ARFGEF2: variants seen among roughly 807,000 people sequenced by gnomAD.
ARFGEF2 encodes brefeldin A-inhibited guanine nucleotide-exchange protein 2.
A neutral mutation model predicts 219.9 loss-of-function variants in ARFGEF2; 74 were observed. The ratio of observed to expected loss-of-function variants is 0.34; its 90% CI spans 0.28 to 0.41. ARFGEF2 has a LOEUF of 0.41. Ranked by LOEUF, ARFGEF2 falls within the 10% of genes least tolerant of loss-of-function variation. The probability of loss-of-function intolerance (pLI) is 1.00; values close to 1 mark genes in which losing one functional copy is unlikely to be tolerated. For missense variants in ARFGEF2, 1,743 were observed against 2,218.3 expected (o/e 0.79, Z 4.30); for synonymous variants, 733 against 799.2 (o/e 0.92, Z 1.40).
chr20:48,937,040 C>G (rs1431004164), intron 1 of ARFGEF2, among the ~76,000 whole-genome samples: 2 of 152,126 alleles, frequency 1.3e-5, no homozygotes, highest in African/African-American at 4.8e-5. Flanking sequence ...GAGACTACTG[C>G]TATTTGAGCA....
chr20:49,020,743 G>C (rs990224349), intron 34 of ARFGEF2, among the ~76,000 whole-genome samples: 1 of 152,180 alleles, frequency 6.6e-6, no homozygotes, highest in Non-Finnish European at 1.5e-5. Context: ...ACCATGCCCA[G>C]GCTCTTTTTC....
intron 1 of ARFGEF2, among the ~76,000 whole-genome samples, chr20:48,939,278 T>G (rs1156447542): frequency 6.6e-6 from 1 of 152,124 alleles, no homozygotes; most frequent in Admixed American, 6.6e-5. Flanking sequence ...TGGCCTATAG[T>G]GGCATTTCAA....
At chr20:49,015,313 CA>C (rs2091523114) in intron 30 of ARFGEF2, among the ~76,000 whole-genome samples, 1 of 152,112 alleles carries the variant, frequency 6.6e-6, no homozygotes, top group South Asian at 2.1e-4. Context: ...AAGATCTCAC[CA>C]TGTTGGCCAG....
chr20:48,969,124 CTGA>C lies in ARFGEF2; in HGVS notation c.1060-20_1060-18del, dbSNP rs765066066. 1.2e-6 allele frequency: 2 copies of C among 1,612,956 alleles called. No homozygotes were observed. The highest frequency in any genetic ancestry group is 2.2e-5 in the South Asian group (2 of 90,934). ...TACAGGTGGGTGCCACCACACCCAG[CTGA>C]TGTTTGTTTCTGATCCTAGGAATCG... On this transcript the variant is annotated intron_variant, in intron 8 of 38. Coordinates refer to ENST00000371917, the MANE Select transcript of ARFGEF2 (RefSeq NM_006420.3).
intron 1 of ARFGEF2, among the ~76,000 whole-genome samples, chr20:48,926,255 G>A (rs1181357018): frequency 6.6e-6 from 1 of 152,164 alleles, no homozygotes; most frequent in Non-Finnish European, 1.5e-5. Flanking sequence ...TCAGTATACC[G>A]CAGTGGAGTT....
rs1269701523 is a variant in ARFGEF2 at position 49,005,259 on chromosome 20, C to A, written c.3584+38C>A. ...CTCTGGAAGACGCTTGGTCAAATTC[C>A]CCGTTGGGGCTCCCAGAAGCCCTCC... On this transcript the variant is annotated intron_variant, in intron 26 of 38. Coordinates refer to ENST00000371917, the MANE Select transcript of ARFGEF2 (RefSeq NM_006420.3). 6.2e-6 allele frequency: 10 copies of A among 1,612,930 alleles called. No homozygotes were observed. In the Admixed American group the frequency reaches 1.7e-4, roughly 27 times the overall value.
chr20:48,965,814 A>T (rs2091183553), intron 7 of ARFGEF2, 58 bp from the exon 8 acceptor site: 8 of 1,606,102 alleles, frequency 5.0e-6, no homozygotes, highest in Non-Finnish European at 6.8e-6. Flanking sequence ...GGTGTCAGGC[A>T]GCCCTTTAGG....
chr20:48,980,183 C>G (rs897967003), intron 14 of ARFGEF2, among the ~76,000 whole-genome samples: 73 of 152,276 alleles, frequency 4.8e-4, no homozygotes, highest in African/African-American at 1.7e-3. Context: ...TACGTTGTTT[C>G]TTTGTTCTCC....
At chr20:48,966,488 T>G (rs575061284) in intron 8 of ARFGEF2, among the ~76,000 whole-genome samples, 10 of 152,344 alleles carry the variant, frequency 6.6e-5, no homozygotes, top group African/African-American at 2.2e-4. Context: ...GTATGTATCC[T>G]GTGTTGCAAC....
chr20:48,969,311 C>A lies in ARFGEF2; in HGVS notation c.1190+34C>A, dbSNP rs1221481753. On this transcript the variant is annotated intron_variant, in intron 9 of 38. Transcript: ENST00000371917. ...ACAGCAGTTCTTGGCCACCTTCAGT[C>A]CAATGATCCAGCAGCACATGGTACT... The A allele has an allele frequency of 3.7e-6, 6 of 1,613,816 alleles. No individual in the cohort carries two copies. In the African/African-American group the frequency reaches 8.0e-5, roughly 22 times the overall value.
At chr20:48,935,532 T>G (rs2090942664) in intron 1 of ARFGEF2, among the ~76,000 whole-genome samples, 2 of 152,180 alleles carry the variant, frequency 1.3e-5, no homozygotes, top group Admixed American at 1.3e-4. Flanking sequence ...TTTCTCAATC[T>G]TTTCCCCACC....
At chr20:49,011,133 A>G (rs2091495150) in intron 27 of ARFGEF2, among the ~76,000 whole-genome samples, 1 of 152,234 alleles carries the variant, frequency 6.6e-6, no homozygotes, top group Non-Finnish European at 1.5e-5. Flanking sequence ...TCCTTCAGGC[A>G]TGAGTTACAG....
Position 48,995,833 on chromosome 20 carries a change from G to A in ARFGEF2, c.3172G>A (p.Glu1058Lys). ...TAAAAGACAGATGGCCAGCTTCCAAGAATCGGTTGGTGAGACCAGCTCGCA... is the reference window on the plus strand; with the variant it reads ...TAAAAGACAGATGGCCAGCTTCCAAAAATCGGTTGGTGAGACCAGCTCGCA... ...VDKRQMASFQ[E>K]SVGETSSQSV... The change falls in exon 23 of 39, where the codon GAA (glutamate) becomes AAA (lysine). Residue 1058 changes from glutamate to lysine, a missense_variant. By Grantham distance (56) the Glu-to-Lys change is moderately conservative (BLOSUM62 1). Around this residue, in one of 5 missense-constraint regions of ARFGEF2, gnomAD observed 666 missense variants for 955.4 expected, o/e 0.70. Transcript: ENST00000371917. The A allele has an allele frequency of 6.2e-7, 1 of 1,614,214 alleles. No homozygotes were observed. The highest frequency in any genetic ancestry group is 8.5e-7 in the Non-Finnish European group (1 of 1,180,034).
intron 1 of ARFGEF2, among the ~76,000 whole-genome samples, chr20:48,933,287 C>G (rs1194126946): frequency 6.6e-6 from 1 of 152,174 alleles, no homozygotes; most frequent in Non-Finnish European, 1.5e-5. Flanking sequence ...TCTTCCTGCA[C>G]CGTCCTCCTT....
rs770037712 is a variant in ARFGEF2, at chr20:48,976,205, T to C, written c.1958+6T>C. ...ATTGAACACGGCATCGAGCTGTGAG[T>C]GGGGCTGCCGTTAACTAGCAGGGAT... On this transcript the variant is annotated splice_donor_region_variant and intron_variant, in intron 14 of 38. Transcript: ENST00000371917. The C allele has an allele frequency of 1.2e-6, 2 of 1,613,080 alleles. No individual in the cohort carries two copies. The highest frequency in any genetic ancestry group is 1.7e-6 in the Non-Finnish European group (2 of 1,179,880).
At chr20:48,952,976 C>T in intron 5 of ARFGEF2, 92 bp downstream of exon 5, 3 of 1,319,376 alleles carry the variant, frequency 2.3e-6, no homozygotes, top group Non-Finnish European at 3.3e-6. Flanking sequence ...GAATCACTAG[C>T]ATTTTAAAGC....
At chr20:48,950,844 A>ATG (rs1380541702) in intron 3 of ARFGEF2, among the ~76,000 whole-genome samples, 18 of 119,666 alleles carry the variant, frequency 1.5e-4, no homozygotes, top group African/African-American at 1.8e-4. Context: ...ATATATATAT[A>ATG]TATGTATGTA....
chr20:49,028,433 G>A (rs1159152508), intron 36 of ARFGEF2, 97 bp from the exon 37 acceptor site: 8 of 1,366,050 alleles, frequency 5.9e-6, no homozygotes, highest in Non-Finnish European at 7.3e-6. Flanking sequence ...AAAAACAGAT[G>A]TTTCATATTT....
chr20:48,958,481 G>A (rs1358361391), intron 6 of ARFGEF2, among the ~76,000 whole-genome samples: 1 of 151,056 alleles, frequency 6.6e-6, no homozygotes, highest in Non-Finnish European at 1.5e-5. Flanking sequence ...CTGTCGCCCA[G>A]GCTGGAGTGC....
Sources: allele counts gnomAD v4.1 joint callset (sites outside exome capture counted in the v4.1 genomes callset), GRCh38; gene constraint gnomAD v4.1.1; regional missense constraint gnomAD v4.1.1; transcripts MANE v1.5; gene names NCBI Gene and HGNC (gene_info 2026-07-23, HGNC 2026-07-21).